Variants in GRK5 observed in about 807,000 individuals in gnomAD.
The protein encoded by GRK5 is g protein-coupled receptor kinase GRK5.
In GRK5, 40 loss-of-function variants were observed where a neutral mutation model predicts 78.4. The ratio of observed to expected loss-of-function variants is 0.51; its 90% CI spans 0.40 to 0.66. The LOEUF is 0.66. Among genes scored for constraint, GRK5 ranks in the 30% least tolerant of loss-of-function variants. The pLI, the probability that GRK5 is intolerant of heterozygous loss-of-function variation, is 0.00. For missense variants in GRK5, 598 were observed against 759.9 expected, an observed-to-expected ratio of 0.79 and a Z score of 2.50; for synonymous variants, 289 against 296.8, an observed-to-expected ratio of 0.97 and a Z score of 0.27.
At position 119,267,576 on chromosome 10, in the gene GRK5, C is replaced by CG. The variant is rs895068713; in HGVS notation, c.53-58937dup. Among the ~76,000 whole-genome samples, 1 of 152,150 alleles carries CG rather than the reference C, an allele frequency of 6.6e-6. No homozygotes were observed. The highest frequency in any genetic ancestry group is 2.4e-5 in the African/African-American group (1 of 41,420). On this transcript the variant is annotated intron_variant, in intron 1 of 15. Coordinates refer to ENST00000392870, the MANE Select transcript of GRK5 (RefSeq NM_005308.3). This position sits in a 1 kb window ranked among gnomAD's most constrained non-coding sequence, Gnocchi z 4.1. Reference sequence around the variant, plus strand: ...GGCAAGGGGCTGGAGGCTCAGCGGACGGGCCCTGTTTTAGGGATTGAGGAC... The same window carrying CG: ...GGCAAGGGGCTGGAGGCTCAGCGGACGGGGCCCTGTTTTAGGGATTGAGGAC...
At chr10:119,224,465 A>G (rs1198715531) in intron 1 of GRK5, among the ~76,000 whole-genome samples, 2 of 151,960 alleles carry the variant, frequency 1.3e-5, no homozygotes, top group African/African-American at 4.8e-5. Context: ...CTGGAGTGCA[A>G]TGGCACGATC....
intron 1 of GRK5, among the ~76,000 whole-genome samples, chr10:119,250,390 A>ACTTTTT (rs1188605583): frequency 6.6e-6 from 1 of 151,646 alleles, no homozygotes; most frequent in African/African-American, 2.4e-5. Context: ...ATTTTCTTTA[A>ACTTTTT]CTTTTTCTTT....
chr10:119,323,829 C>A (rs1442242476), intron 1 of GRK5, among the ~76,000 whole-genome samples: 2 of 152,146 alleles, frequency 1.3e-5, no homozygotes, highest in African/African-American at 2.4e-5. Flanking sequence ...AGTGTGTAGT[C>A]TTTTATCCCT....
intron 1 of GRK5, among the ~76,000 whole-genome samples, chr10:119,274,657 T>C (rs988787330): frequency 6.6e-6 from 1 of 151,802 alleles, no homozygotes; most frequent in African/African-American, 2.4e-5. Context: ...CTCTAGACTG[T>C]TGCCCACAGC....
intron 2 of GRK5, among the ~76,000 whole-genome samples, chr10:119,361,226 C>T (rs909566264): frequency 1.3e-5 from 2 of 152,310 alleles, no homozygotes; most frequent in African/African-American, 4.8e-5. Flanking sequence ...ATCAGAGGTG[C>T]GGCTCATGGC....
intron 2 of GRK5, among the ~76,000 whole-genome samples, chr10:119,373,733 G>C (rs1016488011): frequency 1.3e-5 from 2 of 152,186 alleles, no homozygotes; most frequent in Non-Finnish European, 2.9e-5. Flanking sequence ...ATGTGACACA[G>C]ACAGGAAGTT....
At chr10:119,246,019 CAAAAAAAAAA>C (rs941734040) in intron 1 of GRK5, among the ~76,000 whole-genome samples, 66 of 14,040 alleles carry the variant, frequency 4.7e-3, no homozygotes, top group East Asian at 0.016. Context: ...GACTCCATCT[CAAAAAAAAAA>C]AAAAAAAAAA....
At chr10:119,451,999 AC>A (rs1338105043) in intron 13 of GRK5, among the ~76,000 whole-genome samples, 3 of 152,154 alleles carry the variant, frequency 2.0e-5, no homozygotes, top group African/African-American at 4.8e-5. Context: ...GCCTCCCCAC[AC>A]CAACCTTGAA....
Position 119,431,456 on chromosome 10 carries a change from A to G in GRK5, c.667A>G (p.Lys223Glu), listed in dbSNP as rs925928770. The change falls in exon 8 of 16, where the codon AAA becomes GAA. Residue 223 changes from lysine (K) to glutamate (E), a missense_variant. By Grantham distance (56) the Lys-to-Glu change is moderately conservative. Transcript: ENST00000392870. This position sits in a 1 kb window ranked among gnomAD's most constrained non-coding sequence, Gnocchi z 4.8. Reference sequence around the variant, plus strand: ...CAAGCGCTTGGAGAAGAAGAGGATCAAAAAGAGGAAAGGGGAGTCCATGGC... The same window carrying G: ...CAAGCGCTTGGAGAAGAAGAGGATCGAAAAGAGGAAAGGGGAGTCCATGGC... ...ACKRLEKKRI[K>E]KRKGESMALN... is the part of the protein sequence containing the mutation. 2 of 1,613,960 alleles carry G rather than the reference A, an allele frequency of 1.2e-6. No homozygotes were observed. Among genetic ancestry groups the G allele is most frequent in the Non-Finnish European group, 1.7e-6 (2 of 1,179,982 alleles).
At chr10:119,390,948 A>G (rs968511351) in intron 3 of GRK5, among the ~76,000 whole-genome samples, 4 of 152,054 alleles carry the variant, frequency 2.6e-5, no homozygotes, top group African/African-American at 9.7e-5. Flanking sequence ...TCCCTCTGAG[A>G]GAGGCGAGCC....
At chr10:119,211,187 A>T (rs1427798241) in intron 1 of GRK5, among the ~76,000 whole-genome samples, 1 of 152,318 alleles carries the variant, frequency 6.6e-6, no homozygotes, top group African/African-American at 2.4e-5. Flanking sequence ...CATCAACTCG[A>T]TCACTCTTAG....
intron 2 of GRK5, among the ~76,000 whole-genome samples, chr10:119,371,990 G>A (rs1380868223): frequency 6.6e-6 from 1 of 152,248 alleles, no homozygotes; most frequent in Non-Finnish European, 1.5e-5. Flanking sequence ...ATTGCCATTT[G>A]GAGCAGAATA....
At chr10:119,361,663 G>C (rs994109261) in intron 2 of GRK5, among the ~76,000 whole-genome samples, 1 of 152,114 alleles carries the variant, frequency 6.6e-6, no homozygotes, top group Admixed American at 6.6e-5. Flanking sequence ...GGCGCAGAGG[G>C]GGTTCAGAAT....
At chr10:119,447,987 GC>G (rs1300866388) in intron 12 of GRK5, 135 bp from the exon 13 acceptor site, 20 of 1,067,844 alleles carry the variant, frequency 1.9e-5, no homozygotes, top group Non-Finnish European at 2.6e-5. Context: ...CTCAGAGGCA[GC>G]CCTGAAGCAA....
intron 2 of GRK5, among the ~76,000 whole-genome samples, chr10:119,356,692 A>G (rs551405541): frequency 4.1e-4 from 62 of 152,280 alleles, no homozygotes; most frequent in Non-Finnish European, 6.5e-4. Flanking sequence ...ATCCACAAGG[A>G]GATGCCAAGA....
chr10:119,446,801 C>T (rs574796042), intron 12 of GRK5, among the ~76,000 whole-genome samples: 54 of 152,336 alleles, frequency 3.5e-4, no homozygotes, highest in African/African-American at 1.2e-3. Context: ...GGGCAGCCCC[C>T]TCCAGACCCT....
intron 2 of GRK5, among the ~76,000 whole-genome samples, chr10:119,361,039 G>A (rs1468458236): frequency 1.3e-5 from 2 of 152,220 alleles, no homozygotes; most frequent in Non-Finnish European, 2.9e-5. Context: ...CTGGCTCCCT[G>A]GGAGTACTGT....
chr10:119,428,101 G>A (rs552011322), intron 6 of GRK5, among the ~76,000 whole-genome samples: 12 of 152,382 alleles, frequency 7.9e-5, no homozygotes, highest in South Asian at 6.2e-4. Flanking sequence ...TAGTGGAGCT[G>A]TGTTCGCCAT....
At chr10:119,402,940 AG>A (rs1852173657) in intron 4 of GRK5, among the ~76,000 whole-genome samples, 1 of 152,238 alleles carries the variant, frequency 6.6e-6, no homozygotes, top group South Asian at 2.1e-4. Context: ...ATTCTTTTAA[AG>A]TACAATTCTA....
Sources: gnomAD v4.1 joint callset for allele counts (sites outside exome capture counted in the v4.1 genomes callset) on GRCh38, gnomAD v4.1.1 for gene constraint, Gnocchi (gnomAD v3.1) non-coding constraint, MANE v1.5 for transcripts, NCBI Gene and HGNC (gene_info 2026-07-23, HGNC 2026-07-21) for gene names.